Variants in ZRANB3 observed in about 807,000 individuals in gnomAD.
The protein encoded by ZRANB3 is zinc finger RANBP2-type containing 3.
In ZRANB3, 125 loss-of-function variants were observed where a neutral mutation model predicts 133.8. The observed-to-expected ratio is 0.93, with a 90% CI of 0.81 to 1.08. ZRANB3 has a LOEUF of 1.08. ZRANB3 is among the 50% of genes least tolerant of loss of function. The pLI, the probability that ZRANB3 is intolerant of heterozygous loss-of-function variation, is 0.00. For synonymous variants in ZRANB3, 387 were observed against 432.7 expected (o/e 0.89, Z 1.31); for missense variants, 1,229 against 1,275.5 (o/e 0.96, Z 0.56).
At chr2:135,523,792 T>C (rs1694040178) in intron 1 of ZRANB3, among the ~76,000 whole-genome samples, 1 of 152,176 alleles carries the variant, frequency 6.6e-6, no homozygotes, top group African/African-American at 2.4e-5. Context: ...CCTCTTTCAG[T>C]AGATGCTCAG....
chr2:135,497,257 T>C (rs1017901496), intron 2 of ZRANB3, among the ~76,000 whole-genome samples: 1 of 150,904 alleles, frequency 6.6e-6, no homozygotes, highest in Non-Finnish European at 1.5e-5. Flanking sequence ...AATTTATATG[T>C]AATGCAGAGT....
At chr2:135,203,237 T>C (rs2105032923) in intron 19 of ZRANB3, among the ~76,000 whole-genome samples, 1 of 152,214 alleles carries the variant, frequency 6.6e-6, no homozygotes, top group South Asian at 2.1e-4. Flanking sequence ...TCCTGACAGA[T>C]TGGGAAAAAC....
At chr2:135,508,879 C>T (rs1191839575) in intron 1 of ZRANB3, among the ~76,000 whole-genome samples, 1 of 151,872 alleles carries the variant, frequency 6.6e-6, no homozygotes, top group East Asian at 1.9e-4. Flanking sequence ...TTCTAGATTA[C>T]CAAGAAATTA....
At chr2:135,301,826 A>C (rs753268820) in intron 8 of ZRANB3, among the ~76,000 whole-genome samples, 9 of 152,170 alleles carry the variant, frequency 5.9e-5, no homozygotes, top group Non-Finnish European at 1.0e-4. Context: ...ATTGTAGCTG[A>C]ATATTTATTT....
intron 10 of ZRANB3, 80 bp from the exon 11 acceptor site, chr2:135,269,221 G>C (rs1680397085): frequency 8.4e-7 from 1 of 1,195,766 alleles, no homozygotes; most frequent in Non-Finnish European, 1.1e-6. Flanking sequence ...ATGTTAAATG[G>C]AGAACACTGA....
At chr2:135,454,323 C>T (rs1171052750) in intron 2 of ZRANB3, among the ~76,000 whole-genome samples, 1 of 152,180 alleles carries the variant, frequency 6.6e-6, no homozygotes, top group Non-Finnish European at 1.5e-5. Flanking sequence ...ACCATATCAA[C>T]ATTCATATTA....
At chr2:135,268,452 C>G (rs1680351563) in intron 11 of ZRANB3, among the ~76,000 whole-genome samples, 1 of 152,194 alleles carries the variant, frequency 6.6e-6, no homozygotes, top group Non-Finnish European at 1.5e-5. Flanking sequence ...GAGGCATGAG[C>G]CACCACGCCC....
rs746409776 is a variant in ZRANB3 at position 135,313,567 on chromosome 2, C to T, written c.888G>A (p.Met296Ile). The T allele has an allele frequency of 8.7e-6, 14 of 1,613,592 alleles. No individual in the cohort carries two copies. The highest frequency in any genetic ancestry group is 1.2e-5 in the Non-Finnish European group (14 of 1,179,780). ...NTSFEEWEKI[M>I]RTPNSGAMET... ...CCATGGCACCTGAATTTGGAGTTCTCATTATTTTTTCCCACTCTTCAAAGC... is the reference window on the plus strand; with the variant it reads ...CCATGGCACCTGAATTTGGAGTTCTTATTATTTTTTCCCACTCTTCAAAGC... Residue 296 changes from methionine (M) to isoleucine (I), a missense_variant, in exon 8 of 21, where the codon ATG (methionine) becomes ATA (isoleucine). Met to Ile is a conservative substitution (Grantham distance 10, BLOSUM62 1). Transcript: ENST00000264159.
intron 2 of ZRANB3, among the ~76,000 whole-genome samples, chr2:135,479,559 G>C (rs1040880104): frequency 6.6e-6 from 1 of 152,038 alleles, no homozygotes; most frequent in African/African-American, 2.4e-5. Flanking sequence ...CAAGCTACTT[G>C]GAAGGCTGAG....
chr2:135,251,527 G>C (rs1679395221), intron 12 of ZRANB3, among the ~76,000 whole-genome samples: 1 of 152,168 alleles, frequency 6.6e-6, no homozygotes, highest in South Asian at 2.1e-4. Context: ...TGTTGTGGGA[G>C]GGACACAAGG....
At chr2:135,226,356 A>G (rs1416620567) in intron 14 of ZRANB3, among the ~76,000 whole-genome samples, 1 of 152,204 alleles carries the variant, frequency 6.6e-6, no homozygotes, top group Admixed American at 6.5e-5. Flanking sequence ...CTAAAAGAGC[A>G]TATGTAGGTA....
chr2:135,381,086 A>C (rs1686669381), intron 3 of ZRANB3, among the ~76,000 whole-genome samples: 18 of 152,158 alleles, frequency 1.2e-4, no homozygotes, highest in Admixed American at 1.2e-3. Context: ...GGGATCAGGG[A>C]ATTCCCTTTC....
intron 2 of ZRANB3, among the ~76,000 whole-genome samples, chr2:135,451,831 C>CA (rs1292809902): frequency 1.3e-5 from 2 of 152,164 alleles, no homozygotes; most frequent in African/African-American, 4.8e-5. Flanking sequence ...ATGTGACGCA[C>CA]AAAAAATCCA....
chr2:135,485,662 G>A (rs767923825), intron 2 of ZRANB3, among the ~76,000 whole-genome samples: 7 of 152,200 alleles, frequency 4.6e-5, no homozygotes, highest in Non-Finnish European at 7.3e-5. Flanking sequence ...TTCCGTTCCA[G>A]ATCACGTCAA....
At chr2:135,315,290 C>T (rs1011335368) in intron 7 of ZRANB3, 69 bp downstream of exon 7, 109 of 1,271,972 alleles carry the variant, frequency 8.6e-5, no homozygotes, top group Non-Finnish European at 8.1e-5. Flanking sequence ...ATATGAAATA[C>T]GTATAATCTT....
chr2:135,511,691 T>C, intron 1 of ZRANB3: 1 of 767,088 alleles, frequency 1.3e-6, no homozygotes. Flanking sequence ...TCATTTAGTG[T>C]GGCATAAGCA....
chr2:135,486,733 C>G (rs1275365871), intron 2 of ZRANB3, among the ~76,000 whole-genome samples: 1 of 152,156 alleles, frequency 6.6e-6, no homozygotes, highest in Non-Finnish European at 1.5e-5. Context: ...AGGCTGGTCT[C>G]AAACTCCTGA....
intron 8 of ZRANB3, among the ~76,000 whole-genome samples, chr2:135,292,000 G>C (rs1681767776): frequency 6.6e-6 from 1 of 152,116 alleles, no homozygotes; most frequent in South Asian, 2.1e-4. Flanking sequence ...TATCATTGTT[G>C]GACATTTGGG....
chr2:135,326,251 T>C (rs766180872), intron 6 of ZRANB3, among the ~76,000 whole-genome samples: 1 of 152,166 alleles, frequency 6.6e-6, no homozygotes, highest in Non-Finnish European at 1.5e-5. Flanking sequence ...TGTGTGTGCA[T>C]GTTTGTGCTT....
Sources: allele counts gnomAD v4.1 joint callset (sites outside exome capture counted in the v4.1 genomes callset), GRCh38; gene constraint gnomAD v4.1.1; transcripts MANE v1.5; gene names NCBI Gene and HGNC (gene_info 2026-07-23, HGNC 2026-07-21).